The following TNFSF4 variants were observed in gnomAD, a reference collection of about 807,000 sequenced individuals.
TNFSF4 encodes the protein tumor necrosis factor ligand superfamily member 4.
Under a neutral mutation model 7.3 loss-of-function variants are expected in TNFSF4, and 4 were observed. The ratio of observed to expected loss-of-function variants is 0.55; its 90% confidence interval spans 0.27 to 1.25. The LOEUF (loss-of-function observed/expected upper bound fraction) is 1.25, where lower values mean the gene tolerates loss of function less well. Among genes scored for constraint, TNFSF4 ranks in the 50% most tolerant of loss-of-function variants. TNFSF4 has a pLI of 0.12. For synonymous variants in TNFSF4, 76 were observed against 83.7 expected, an observed-to-expected ratio of 0.91 and a Z score of 0.50; for missense variants, 181 against 208.8, an observed-to-expected ratio of 0.87 and a Z score of 0.82.
chr1:173,176,164 G>A, the TNFSF4 span, among the ~76,000 whole-genome samples: 1 of 152,036 alleles, frequency 6.6e-6, no homozygotes, highest in Non-Finnish European at 1.5e-5. Context: ...TATAATTTAT[G>A]AAGCTTGCCT....
At chr1:173,278,828 G>A in the TNFSF4 span, among the ~76,000 whole-genome samples, 2 of 152,038 alleles carry the variant, frequency 1.3e-5, no homozygotes, top group African/African-American at 2.4e-5. Context: ...GAAGATAAGG[G>A]CAGAATTCCC....
chr1:173,319,496 A>G, the TNFSF4 span, among the ~76,000 whole-genome samples: 6 of 152,308 alleles, frequency 3.9e-5, no homozygotes, highest in East Asian at 1.2e-3. Flanking sequence ...AGGACAGTGT[A>G]CCAGCTCTGC....
the TNFSF4 span, among the ~76,000 whole-genome samples, chr1:173,445,794 T>C: frequency 5.9e-5 from 9 of 152,106 alleles, no homozygotes; most frequent in Non-Finnish European, 1.0e-4. Context: ...ATTAGAGAAA[T>C]GGATCTCCTA....
At chr1:173,317,548 A>C in the TNFSF4 span, among the ~76,000 whole-genome samples, 5 of 152,236 alleles carry the variant, frequency 3.3e-5, no homozygotes, top group African/African-American at 9.6e-5. Flanking sequence ...AAAAGAAAGA[A>C]ACTAGATTTA....
At chr1:173,329,428 T>C in the TNFSF4 span, among the ~76,000 whole-genome samples, 2 of 152,280 alleles carry the variant, frequency 1.3e-5, no homozygotes, top group South Asian at 4.1e-4. Flanking sequence ...TTTTTTAAAA[T>C]ACTTTTTATC....
the TNFSF4 span, among the ~76,000 whole-genome samples, chr1:173,354,060 G>T: frequency 4.1e-4 from 62 of 151,916 alleles, no homozygotes; most frequent in Non-Finnish European, 7.5e-4. Context: ...CTAGGAGGTG[G>T]TTTTTTAAAA....
downstream of TNFSF4, among the ~76,000 whole-genome samples, chr1:173,183,268 A>G (rs1182843310): frequency 6.6e-6 from 1 of 152,134 alleles, no homozygotes; most frequent in Non-Finnish European, 1.5e-5. Flanking sequence ...TGAGGTCAAA[A>G]AAGCTGGGGA....
the TNFSF4 span, among the ~76,000 whole-genome samples, chr1:173,403,826 C>G: frequency 1.3e-5 from 2 of 151,346 alleles, no homozygotes; most frequent in Non-Finnish European, 2.9e-5. Flanking sequence ...CACTTGAACC[C>G]GGGAGGCAGA....
At chr1:173,286,611 C>A in the TNFSF4 span, among the ~76,000 whole-genome samples, 1 of 151,880 alleles carries the variant, frequency 6.6e-6, no homozygotes, top group Non-Finnish European at 1.5e-5. Flanking sequence ...AACCATAGAC[C>A]TAAACGTGAA....
At chr1:173,197,545 G>A (rs932451064) in intron 1 of TNFSF4, among the ~76,000 whole-genome samples, 5 of 152,172 alleles carry the variant, frequency 3.3e-5, no homozygotes, top group Admixed American at 2.0e-4. Context: ...TGGCAGGGAC[G>A]TGGATGGATC....
At chr1:173,192,954 C>T (rs2101987785) in intron 1 of TNFSF4, among the ~76,000 whole-genome samples, 1 of 152,178 alleles carries the variant, frequency 6.6e-6, no homozygotes, top group South Asian at 2.1e-4. Context: ...CTTGGATGCA[C>T]ACGGAAAACA....
the TNFSF4 span, among the ~76,000 whole-genome samples, chr1:173,246,439 A>G: frequency 4.6e-5 from 7 of 152,160 alleles, no homozygotes; most frequent in Admixed American, 3.3e-4. Flanking sequence ...TCATTCTACT[A>G]TAAAGACACA....
At chr1:173,197,980 G>A (rs577970931) in intron 1 of TNFSF4, among the ~76,000 whole-genome samples, 20 of 152,074 alleles carry the variant, frequency 1.3e-4, no homozygotes, top group African/African-American at 2.7e-4. Flanking sequence ...TTTCAGTCAC[G>A]GTGCACATTA....
chr1:173,425,503 AAAT>A, the TNFSF4 span, among the ~76,000 whole-genome samples: 1 of 152,230 alleles, frequency 6.6e-6, no homozygotes, highest in Non-Finnish European at 1.5e-5. Context: ...TAGATGAGGT[AAAT>A]AATGAGGTTG....
the TNFSF4 span, among the ~76,000 whole-genome samples, chr1:173,244,061 T>C: frequency 6.6e-6 from 1 of 152,242 alleles, no homozygotes. Context: ...TTGTAAATAC[T>C]TGCATATTGA....
At chr1:173,333,793 C>T in the TNFSF4 span, among the ~76,000 whole-genome samples, 31 of 152,144 alleles carry the variant, frequency 2.0e-4, no homozygotes, top group Non-Finnish European at 4.1e-4. Context: ...TGACAGCATG[C>T]GCTGACTAAG....
the TNFSF4 span, among the ~76,000 whole-genome samples, chr1:173,243,193 ATTG>A: frequency 6.6e-6 from 1 of 152,162 alleles, no homozygotes. Flanking sequence ...AGCACTGTGA[ATTG>A]TTAAGTTCCA....
chr1:173,416,018 G>A, the TNFSF4 span, among the ~76,000 whole-genome samples: 1 of 152,228 alleles, frequency 6.6e-6, no homozygotes, highest in African/African-American at 2.4e-5. Flanking sequence ...GGGGCAGGGA[G>A]TAGGTTGGGA....
At chr1:173,263,506 T>C in the TNFSF4 span, among the ~76,000 whole-genome samples, 4 of 152,224 alleles carry the variant, frequency 2.6e-5, no homozygotes, top group Admixed American at 2.6e-4. Context: ...TGCAATTTTT[T>C]TGAAAGCAAA....
Sources: allele counts gnomAD v4.1 joint callset (sites outside exome capture counted in the v4.1 genomes callset), GRCh38; gene constraint gnomAD v4.1.1; transcripts MANE v1.5; gene names NCBI Gene and HGNC (gene_info 2026-07-23, HGNC 2026-07-21).